DYSF: variants seen among roughly 807,000 people sequenced by gnomAD.
DYSF encodes the protein dysferlin.
A neutral mutation model predicts 274.9 loss-of-function variants in DYSF; 212 were observed. That is an observed-to-expected ratio of 0.77 (90% CI 0.69 to 0.86). The LOEUF is 0.86. DYSF is among the 40% of genes least tolerant of loss of function. The pLI, the probability that DYSF is intolerant of heterozygous loss-of-function variation, is 0.00. For synonymous variants in DYSF, 1,091 were observed against 1,078.7 expected (o/e 1.01, Z -0.22); for missense variants, 2,666 against 2,783.2 (o/e 0.96, Z 0.95).
intron 17 of DYSF, among the ~76,000 whole-genome samples, chr2:71,548,956 C>T (rs2090710093): frequency 1.3e-5 from 2 of 152,220 alleles, no homozygotes; most frequent in African/African-American, 2.4e-5. Flanking sequence ...TCCCCACCCT[C>T]CCGTTGTGTC....
At chr2:71,524,151 C>A (rs934236775) in intron 12 of DYSF, among the ~76,000 whole-genome samples, 3 of 152,100 alleles carry the variant, frequency 2.0e-5, no homozygotes, top group African/African-American at 7.2e-5. Context: ...TCTTCCAGAC[C>A]CAGTTCAGAT....
At chr2:71,459,376 G>A (rs1473999388) in intron 1 of DYSF, among the ~76,000 whole-genome samples, 1 of 152,186 alleles carries the variant, frequency 6.6e-6, no homozygotes, top group Admixed American at 6.5e-5. Context: ...TGGTCAGGAA[G>A]GTAGGGCCAC....
intron 29 of DYSF, among the ~76,000 whole-genome samples, chr2:71,572,612 G>A (rs2092557912): frequency 6.6e-6 from 1 of 152,244 alleles, no homozygotes; most frequent in South Asian, 2.1e-4. Flanking sequence ...GCTGTGGCCT[G>A]GGGAAGTTCA....
chr2:71,517,798 A>T (rs2086816296), intron 10 of DYSF, among the ~76,000 whole-genome samples: 1 of 152,214 alleles, frequency 6.6e-6, no homozygotes, highest in African/African-American at 2.4e-5. Flanking sequence ...AAAAAGATGC[A>T]TTTCAAAGAG....
In DYSF at chr2:71,659,140, G is replaced by GA. The variant is rs1281242176; in HGVS notation, c.4911+110dup. ...CCTCAGGGAGTTCATAGTAGGTTGG[G>GA]AAACAGACAAACACACAAAACTGAG... On this transcript the variant is annotated intron_variant, in intron 44 of 55. Transcript: ENST00000410020. 4.8e-6 allele frequency: 7 copies of GA among 1,471,328 alleles called. No individual in the cohort carries two copies. The African/African-American group carries it at 8.3e-5, about 18-fold the overall frequency. The allele number at this position is 1,471,328 out of a possible 1,614,324, so 91.1% of individuals were successfully genotyped here. A position where few individuals can be genotyped will look rare whatever the true frequency, so the allele number is the denominator to read the frequency against.
chr2:71,465,260 G>C (rs2081457574), upstream of DYSF, among the ~76,000 whole-genome samples: 1 of 152,166 alleles, frequency 6.6e-6, no homozygotes, highest in Non-Finnish European at 1.5e-5. Flanking sequence ...GTGTCCAGTT[G>C]TTACCAGTGG....
In DYSF at chr2:71,613,326, C is replaced by G. The variant is rs746630105; in HGVS notation, c.4388-8C>G. 1 of 1,611,318 alleles carries G rather than the reference C, an allele frequency of 6.2e-7. No individual in the cohort carries two copies. The highest frequency in any genetic ancestry group is 1.3e-5 in the African/African-American group (1 of 74,846). ...CCTCTCAGGCCTGGATGGCTCCCTC[C>G]CCTGCAGACGATGTGAGCCTACTCA... On this transcript the variant is annotated splice_region_variant and splice_polypyrimidine_tract_variant and intron_variant, in intron 39 of 55. Coordinates refer to ENST00000410020, the MANE Select transcript of DYSF (RefSeq NM_001130987.2).
chr2:71,670,156 A>G (rs1396666796), intron 51 of DYSF, among the ~76,000 whole-genome samples: 2 of 151,524 alleles, frequency 1.3e-5, no homozygotes, highest in Non-Finnish European at 2.9e-5. Context: ...ACTCTCTTCC[A>G]CCATCTTTCC....
chr2:71,552,973 C>T (rs752285341), intron 19 of DYSF, 38 bp from the exon 20 acceptor site: 1 of 1,612,382 alleles, frequency 6.2e-7, no homozygotes, highest in Non-Finnish European at 8.5e-7. Flanking sequence ...CCTTTCTTTG[C>T]TCCTCCCGTG....
At chr2:71,591,083 C>G (rs1269019625) in intron 32 of DYSF, among the ~76,000 whole-genome samples, 1 of 152,268 alleles carries the variant, frequency 6.6e-6, no homozygotes, top group Non-Finnish European at 1.5e-5. Context: ...TGGTCCTCAC[C>G]TGGTTCACCT....
chr2:71,638,032 A>T (rs943846941), intron 41 of DYSF, among the ~76,000 whole-genome samples: 4 of 152,110 alleles, frequency 2.6e-5, no homozygotes, highest in Non-Finnish European at 4.4e-5. Context: ...CTTTGAAGGA[A>T]GAGGGAATTG....
intron 3 of DYSF, among the ~76,000 whole-genome samples, chr2:71,497,018 T>C (rs768846055): frequency 1.3e-5 from 2 of 152,150 alleles, no homozygotes; most frequent in Non-Finnish European, 2.9e-5. Flanking sequence ...TCAAACACCT[T>C]CCCAAGTCCC....
At chr2:71,560,373 C>A (rs1301663037) in intron 22 of DYSF, among the ~76,000 whole-genome samples, 2 of 147,178 alleles carry the variant, frequency 1.4e-5, no homozygotes, top group African/African-American at 5.3e-5. Flanking sequence ...TCCAGACCCG[C>A]TTGCCCCCGC....
chr2:71,572,249 G>GCACAGAT (rs1212589008), intron 29 of DYSF, among the ~76,000 whole-genome samples: 6,408 of 24,516 alleles, frequency 0.26, 639 homozygotes, highest in African/African-American at 0.39. Flanking sequence ...ATCACACCTA[G>GCACAGAT]CACACCCACA....
At chr2:71,608,007 C>T (rs2093676372) in intron 36 of DYSF, among the ~76,000 whole-genome samples, 2 of 151,866 alleles carry the variant, frequency 1.3e-5, no homozygotes, top group Non-Finnish European at 2.9e-5. Context: ...AGGGTGAGGG[C>T]CAGCAGTGTG....
At chr2:71,575,296 C>T (rs2092664935) in intron 30 of DYSF, among the ~76,000 whole-genome samples, 1 of 152,132 alleles carries the variant, frequency 6.6e-6, no homozygotes, top group African/African-American at 2.4e-5. Context: ...CTGTCAGTCT[C>T]AGGCCTCGAT....
chr2:71,628,155 C>T (rs1382482794), intron 41 of DYSF, among the ~76,000 whole-genome samples: 1 of 151,766 alleles, frequency 6.6e-6, no homozygotes, highest in Non-Finnish European at 1.5e-5. Flanking sequence ...TTTTTAGTTT[C>T]AAAACTATAT....
chr2:71,600,710 C>T lies in DYSF; in HGVS notation c.3765C>T (p.Asp1255=), dbSNP rs781758050. The T allele has an allele frequency of 5.1e-5, 82 of 1,613,970 alleles. No individual in the cohort carries two copies. Among genetic ancestry groups the T allele is most frequent in the Middle Eastern group, 1.6e-4 (1 of 6,084 alleles). Residue 1255 remains aspartate, a synonymous_variant, in exon 34 of 56, where the codon GAC becomes GAT. Transcript: ENST00000410020. The part of the protein sequence containing the change: ...ELYDHDTYGA[D]EFMGRCICQP... ...CTCTACGCTTGGTCTAGGGTGCAGA[C>T]GAGTTTATGGGTCGCTGCATCTGTC...
chr2:71,551,838 G>A (rs1450060278), intron 19 of DYSF, 118 bp downstream of exon 19: 18 of 788,194 alleles, frequency 2.3e-5, no homozygotes, highest in Middle Eastern at 3.5e-4. Flanking sequence ...CACACGCATC[G>A]TGCCTTTACC....
Sources: allele counts gnomAD v4.1 joint callset (sites outside exome capture counted in the v4.1 genomes callset), GRCh38; gene constraint gnomAD v4.1.1; transcripts MANE v1.5; gene names NCBI Gene and HGNC (gene_info 2026-07-23, HGNC 2026-07-21).